OLFM2: variants seen among roughly 807,000 people sequenced by gnomAD.
The protein encoded by OLFM2 is olfactomedin 2.
A neutral mutation model predicts 43.9 loss-of-function variants in OLFM2; 20 were observed. The ratio of observed to expected loss-of-function variants is 0.46; its 90% confidence interval spans 0.32 to 0.66. OLFM2 has a LOEUF of 0.66. Ranked by LOEUF, OLFM2 falls within the 30% of genes least tolerant of loss-of-function variation. The pLI, the probability that OLFM2 is intolerant of heterozygous loss-of-function variation, is 0.04. For synonymous variants in OLFM2, 268 were observed against 278.6 expected (o/e 0.96, Z 0.38); for missense variants, 416 against 643.6 (o/e 0.65, Z 3.83).
At chr19:9,910,911 A>C (rs1243013694) in intron 1 of OLFM2, among the ~76,000 whole-genome samples, 2 of 152,130 alleles carry the variant, frequency 1.3e-5, no homozygotes, top group Admixed American at 1.3e-4. Flanking sequence ...TAGATGAAAT[A>C]ATTGATGGAT....
At chr19:9,890,585 T>G (rs974545245) in intron 1 of OLFM2, among the ~76,000 whole-genome samples, 4 of 152,230 alleles carry the variant, frequency 2.6e-5, no homozygotes, top group Non-Finnish European at 5.9e-5. Flanking sequence ...GCTGTAGGAC[T>G]TCCCCAGTGT....
rs756364907 is a variant in OLFM2 at position 9,854,905 on chromosome 19, A to G, written c.688-42T>C. ...TGGTCACTGGGGGGAACCACCACCA[A>G]CGACCCAAGGGTCCCAGCACCAGCT... On this transcript the variant is annotated intron_variant, in intron 5 of 5. Transcript: ENST00000264833. This position sits in a 1 kb window ranked among gnomAD's most constrained non-coding sequence, Gnocchi z 9.5. The G allele has an allele frequency of 2.0e-6, 3 of 1,470,430 alleles. No individual in the cohort carries two copies. The highest frequency in any genetic ancestry group is 4.8e-5 in the East Asian group (2 of 41,520). The allele number at this position is 1,470,430 out of a possible 1,614,324, so 91.1% of individuals were successfully genotyped here. A position where few individuals can be genotyped will look rare whatever the true frequency, so the allele number is the denominator to read the frequency against.
At chr19:9,894,376 CAAT>C (rs528905230) in intron 1 of OLFM2, among the ~76,000 whole-genome samples, 1,655 of 118,220 alleles carry the variant, frequency 0.014, 11 homozygotes, top group East Asian at 0.019. Flanking sequence ...GACTCTCTCT[CAAT>C]AATAATAATA....
intron 1 of OLFM2, among the ~76,000 whole-genome samples, chr19:9,887,707 C>T (rs1182988729): frequency 6.6e-6 from 1 of 152,022 alleles, no homozygotes; most frequent in Non-Finnish European, 1.5e-5. Context: ...GAGTCTCTCC[C>T]GTGCTGAGAA....
At chr19:9,859,794 T>A (rs2046352896) in intron 2 of OLFM2, among the ~76,000 whole-genome samples, 1 of 152,128 alleles carries the variant, frequency 6.6e-6, no homozygotes, top group Non-Finnish European at 1.5e-5. Context: ...CCCTCCAGTC[T>A]TCCTTCCTTC....
At chr19:9,873,200 T>C (rs1019564546) in intron 1 of OLFM2, among the ~76,000 whole-genome samples, 2 of 151,864 alleles carry the variant, frequency 1.3e-5, no homozygotes, top group African/African-American at 4.8e-5. Context: ...TGGAGTGCAG[T>C]GGTGTAATCA....
rs1411067279 is a variant in OLFM2, at chr19:9,853,751, C to A, written c.*435G>T. 3 of 418,180 alleles carry A rather than the reference C, an allele frequency of 7.2e-6. No homozygotes were observed. The highest frequency in any genetic ancestry group is 6.5e-5 in the African/African-American group (3 of 46,288). 25.9% of individuals were successfully genotyped at this position (418,180 alleles called of 1,614,324 possible). On this transcript the variant is annotated 3_prime_UTR_variant, in exon 6 of 6. Transcript: ENST00000264833. ...CAAAGGTCCTGTTTATTCCGGCAAA[C>A]CGGAAAGAAAAAGTGTAAATAAAAA...
intron 1 of OLFM2, among the ~76,000 whole-genome samples, chr19:9,910,216 TTAATAA>T (rs1307452139): frequency 6.6e-6 from 1 of 151,844 alleles, no homozygotes; most frequent in African/African-American, 2.4e-5. Flanking sequence ...AATAATAATA[TTAATAA>T]TAATAACAAT....
chr19:9,859,190 A>G (rs1365776541), intron 2 of OLFM2, among the ~76,000 whole-genome samples: 3 of 152,240 alleles, frequency 2.0e-5, no homozygotes, highest in African/African-American at 2.4e-5. Context: ...CCTGAACGCC[A>G]CAAAACATTT....
rs770329388 is a variant in OLFM2 at position 9,930,158 on chromosome 19, GCACA to G, written c.63+6142_63+6145del. ...CCCTGTGCTCATGGTCCCTGAACAT[GCACA>G]CAGTCACCAAACATACACATACACG... is the stretch of plus-strand genomic sequence containing the variant. On this transcript the variant is annotated intron_variant, in intron 1 of 5. Coordinates refer to ENST00000264833, the MANE Select transcript of OLFM2 (RefSeq NM_058164.4). Among the ~76,000 whole-genome samples the G allele has an allele frequency of 1.4e-3, 208 of 152,212 alleles. 1 individual carries two copies. The highest frequency in any genetic ancestry group is 2.7e-3 in the South Asian group (13 of 4,830).
intron 1 of OLFM2, among the ~76,000 whole-genome samples, chr19:9,873,711 C>A (rs1307240820): frequency 1.3e-5 from 2 of 152,052 alleles, no homozygotes; most frequent in Non-Finnish European, 2.9e-5. Flanking sequence ...CTCACTGCAG[C>A]CTCAACCTCC....
intron 1 of OLFM2, among the ~76,000 whole-genome samples, chr19:9,886,994 T>C (rs1360836496): frequency 1.3e-5 from 2 of 152,028 alleles, no homozygotes; most frequent in Non-Finnish European, 2.9e-5. Flanking sequence ...ATATTATTTC[T>C]TGTCTGTCGC....
At chr19:9,914,358 G>A (rs190166404) in intron 1 of OLFM2, among the ~76,000 whole-genome samples, 110 of 152,264 alleles carry the variant, frequency 7.2e-4, no homozygotes, top group African/African-American at 2.5e-3. Context: ...GTCTCCTTTA[G>A]CTGGGGGAAG....
intron 1 of OLFM2, among the ~76,000 whole-genome samples, chr19:9,863,448 A>C (rs2046378914): frequency 6.6e-6 from 1 of 152,108 alleles, no homozygotes. Flanking sequence ...GGGTGACTGC[A>C]CAGATCCAGA....
chr19:9,924,737 G>C (rs568420758), intron 1 of OLFM2, among the ~76,000 whole-genome samples: 1 of 152,236 alleles, frequency 6.6e-6, no homozygotes, highest in African/African-American at 2.4e-5. Context: ...CCCACGCACC[G>C]TGCTGAAGTG....
rs1298178636 is a variant in OLFM2 at position 9,857,818 on chromosome 19, G to A, written c.257C>T (p.Thr86Met). 2.5e-6 allele frequency: 4 copies of A among 1,614,080 alleles called. No homozygotes were observed. Among genetic ancestry groups the A allele is most frequent in the Non-Finnish European group, 8.5e-7 (1 of 1,180,026 alleles). ...GCGTACATACTGGAGGTCGCGATAC[G>A]TCCGCAACTCAAGGACCTCCATGGA... is the stretch of plus-strand genomic sequence containing the variant. ...SQSMEVLELRTYRDLQYVRGM... is the reference protein window; with the variant it reads ...SQSMEVLELRMYRDLQYVRGM... The change falls in exon 3 of 6, where the codon ACG becomes ATG. Residue 86 changes from threonine to methionine, a missense_variant. Coordinates refer to ENST00000264833, the MANE Select transcript of OLFM2 (RefSeq NM_058164.4). This position sits in a 1 kb window ranked among gnomAD's most constrained non-coding sequence, Gnocchi z 5.7.
chr19:9,933,776 C>T (rs550407510), intron 1 of OLFM2, among the ~76,000 whole-genome samples: 34 of 152,110 alleles, frequency 2.2e-4, no homozygotes, highest in African/African-American at 7.7e-4. Context: ...AGGCTGGTCT[C>T]GAACTCCTGA....
In OLFM2 at chr19:9,854,770, G is replaced by C; in HGVS notation, c.781C>G (p.Leu261Val). 1.2e-6 allele frequency: 2 copies of C among 1,613,248 alleles called. No individual in the cohort carries two copies. The highest frequency in any genetic ancestry group is 1.7e-6 in the Non-Finnish European group (2 of 1,179,384). The stretch of plus-strand genomic sequence containing the variant: ...GTGCCCGCCCACGGCTGGGGCAGCA[G>C]GTGCTGGATAAAGTTCTGGCCTTTG... ...FIKGQNFIQH[L>V]LPQPWAGTGH... The change falls in exon 6 of 6, where the codon CTG becomes GTG. Residue 261 changes from leucine (L) to valine (V), a missense_variant. By Grantham distance (32) the Leu-to-Val change is conservative (BLOSUM62 1). Coordinates refer to ENST00000264833, the MANE Select transcript of OLFM2 (RefSeq NM_058164.4). This position sits in a 1 kb window ranked among gnomAD's most constrained non-coding sequence, Gnocchi z 9.5.
chr19:9,871,481 G>A (rs2046441501), intron 1 of OLFM2, among the ~76,000 whole-genome samples: 1 of 151,166 alleles, frequency 6.6e-6, no homozygotes. Context: ...GCTGAGGCAG[G>A]AGACTCGCTT....
Sources: gnomAD v4.1 joint callset for allele counts (sites outside exome capture counted in the v4.1 genomes callset) on GRCh38, gnomAD v4.1.1 for gene constraint, Gnocchi (gnomAD v3.1) non-coding constraint, MANE v1.5 for transcripts, NCBI Gene and HGNC (gene_info 2026-07-23, HGNC 2026-07-21) for gene names.